Variants in RORA observed in about 807,000 individuals in gnomAD.
The protein encoded by RORA is nuclear receptor ROR-alpha.
In RORA, 7 loss-of-function variants were observed where a neutral mutation model predicts 69.5. The observed-to-expected ratio is 0.10, with a 90% CI of 0.06 to 0.19. The LOEUF (loss-of-function observed/expected upper bound fraction) is 0.19. RORA is among the 10% of genes least tolerant of loss of function. RORA has a pLI of 1.00. For synonymous variants in RORA, 261 were observed against 240.8 expected (o/e 1.08, Z -0.78); for missense variants, 457 against 663.0 (o/e 0.69, Z 3.41).
chr15:61,197,177 G>C (rs752026555), intron 1 of RORA, among the ~76,000 whole-genome samples: 56 of 152,196 alleles, frequency 3.7e-4, no homozygotes, highest in Admixed American at 1.8e-3. Context: ...ACAAGAGCAT[G>C]GTTGTTCAAT....
intron 1 of RORA, among the ~76,000 whole-genome samples, chr15:61,150,185 C>T (rs1329771046): frequency 6.6e-6 from 1 of 152,196 alleles, no homozygotes; most frequent in Non-Finnish European, 1.5e-5. Flanking sequence ...ATAAGCCACA[C>T]ATGACAAGGG....
chr15:61,116,111 C>T (rs2079048482), intron 1 of RORA, among the ~76,000 whole-genome samples: 1 of 152,052 alleles, frequency 6.6e-6, no homozygotes, highest in South Asian at 2.1e-4. Flanking sequence ...GTTCTTGACG[C>T]AGGATGAACC....
chr15:60,617,659 C>CAGAGAGAGAGAGAGAGAG (rs10594406), intron 2 of RORA, among the ~76,000 whole-genome samples: 6 of 141,556 alleles, frequency 4.2e-5, no homozygotes, highest in African/African-American at 7.7e-5. Flanking sequence ...CACATACAGA[C>CAGAGAGAGAGAGAGAGAG]AGAGAGAGAG....
chr15:60,688,231 A>G (rs1205132882), intron 1 of RORA, among the ~76,000 whole-genome samples: 1 of 152,114 alleles, frequency 6.6e-6, no homozygotes, highest in African/African-American at 2.4e-5. Context: ...CAAAGTCCCA[A>G]AGCATAGTAT....
At chr15:60,791,147 A>G (rs1010921516) in intron 1 of RORA, among the ~76,000 whole-genome samples, 2 of 152,190 alleles carry the variant, frequency 1.3e-5, no homozygotes, top group African/African-American at 4.8e-5. Context: ...GGCTGATGTC[A>G]TGGGCTCTGA....
chr15:60,608,100 C>T (rs1432161069), intron 2 of RORA, among the ~76,000 whole-genome samples: 1 of 152,184 alleles, frequency 6.6e-6, no homozygotes, highest in African/African-American at 2.4e-5. Context: ...AGATCCACAT[C>T]GTACAGACTC....
intron 1 of RORA, chr15:61,175,929 G>GA (rs537136605): frequency 6.6e-6 from 1 of 152,094 alleles, no homozygotes; most frequent in African/African-American, 2.4e-5. Context: ...CATACACAAT[G>GA]AAAAAAACCT....
At chr15:60,858,651 G>T (rs2073405033) in intron 1 of RORA, among the ~76,000 whole-genome samples, 1 of 150,464 alleles carries the variant, frequency 6.6e-6, no homozygotes, top group Admixed American at 6.6e-5. Context: ...ACCTGCCTGG[G>T]TTTCACTCTG....
chr15:60,685,413 G>T (rs2070727842), intron 1 of RORA, among the ~76,000 whole-genome samples: 1 of 152,118 alleles, frequency 6.6e-6, no homozygotes, highest in East Asian at 1.9e-4. Context: ...CTTCTTTTTT[G>T]AATAGCTAAT....
chr15:60,543,050 C>G (rs930746393), intron 2 of RORA, among the ~76,000 whole-genome samples: 1 of 152,062 alleles, frequency 6.6e-6, no homozygotes, highest in African/African-American at 2.4e-5. Context: ...CCTGCCACCA[C>G]TTGCTGAGAA....
intron 2 of RORA, among the ~76,000 whole-genome samples, chr15:60,661,434 G>C (rs372128296): frequency 6.6e-6 from 1 of 152,218 alleles, no homozygotes; most frequent in African/African-American, 2.4e-5. Context: ...TAATACCCAG[G>C]GCAGACTGAT....
chr15:61,112,725 G>T (rs539541386), intron 1 of RORA, among the ~76,000 whole-genome samples: 9 of 152,284 alleles, frequency 5.9e-5, no homozygotes, highest in Non-Finnish European at 1.2e-4. Context: ...TACCTGCAGG[G>T]ACACTGATTT....
intron 3 of RORA, among the ~76,000 whole-genome samples, chr15:60,516,934 C>G (rs2065979681): frequency 6.6e-6 from 1 of 151,530 alleles, no homozygotes; most frequent in East Asian, 1.9e-4. Flanking sequence ...TAAAAATATA[C>G]CATTGAATGT....
intron 1 of RORA, among the ~76,000 whole-genome samples, chr15:60,800,153 A>C (rs1389789426): frequency 6.6e-6 from 1 of 152,230 alleles, no homozygotes; most frequent in Non-Finnish European, 1.5e-5. Flanking sequence ...AAACTTAGAC[A>C]TCAGGGCTTT....
chr15:60,577,084 C>T (rs1326417585), intron 2 of RORA, among the ~76,000 whole-genome samples: 1 of 152,148 alleles, frequency 6.6e-6, no homozygotes, highest in Non-Finnish European at 1.5e-5. Flanking sequence ...AATAGAATAT[C>T]ACCAAAGATT....
At chr15:60,524,394 C>T (rs1056597487) in intron 3 of RORA, among the ~76,000 whole-genome samples, 1 of 152,188 alleles carries the variant, frequency 6.6e-6, no homozygotes, top group Non-Finnish European at 1.5e-5. Context: ...AGGCAATGAC[C>T]ACATGTCCGG....
chr15:60,805,852 T>G (rs997368760), intron 1 of RORA, among the ~76,000 whole-genome samples: 1 of 152,218 alleles, frequency 6.6e-6, no homozygotes, highest in Non-Finnish European at 1.5e-5. Flanking sequence ...AAAGACCCTT[T>G]TATAGCTCTA....
intron 1 of RORA, among the ~76,000 whole-genome samples, chr15:60,722,048 A>G (rs886072828): frequency 2.0e-5 from 3 of 152,274 alleles, no homozygotes; most frequent in African/African-American, 7.2e-5. Context: ...AATGATCACA[A>G]TTACTGAAAC....
intron 1 of RORA, among the ~76,000 whole-genome samples, chr15:61,066,261 T>C (rs2078256059): frequency 6.6e-6 from 1 of 152,162 alleles, no homozygotes. Context: ...CTCTGCTATG[T>C]GTTCATTAGC....
Sources: allele counts gnomAD v4.1 joint callset (sites outside exome capture counted in the v4.1 genomes callset), GRCh38; gene constraint gnomAD v4.1.1; transcripts MANE v1.5; gene names NCBI Gene and HGNC (gene_info 2026-07-23, HGNC 2026-07-21).